Variants in MSH3 observed in about 807,000 individuals in gnomAD.
MSH3 encodes the protein mutS homolog 3.
MSH3 carries 106 observed loss-of-function variants against 123.3 expected under a neutral mutation model. That is an observed-to-expected ratio of 0.86 (90% CI 0.73 to 1.01). The LOEUF is 1.01. Ranked by LOEUF, MSH3 falls within the 50% of genes least tolerant of loss-of-function variation. The pLI is 0.00. For synonymous variants in MSH3, 515 were observed against 481.4 expected (o/e 1.07, Z -0.91); for missense variants, 1,459 against 1,347.6 (o/e 1.08, Z -1.29).
chr5:80,709,168 T>C (rs982673373), intron 8 of MSH3, among the ~76,000 whole-genome samples: 3 of 152,058 alleles, frequency 2.0e-5, no homozygotes, highest in Non-Finnish European at 4.4e-5. Context: ...TTTCAGCTTC[T>C]TCCTTAGTAG....
intron 21 of MSH3, among the ~76,000 whole-genome samples, chr5:80,857,462 G>T (rs946030322): frequency 6.6e-6 from 1 of 152,086 alleles, no homozygotes; most frequent in Non-Finnish European, 1.5e-5. Flanking sequence ...ATAGAGAATT[G>T]GTAAAATATC....
intron 12 of MSH3, 34 bp from the exon 13 acceptor site, chr5:80,761,512 A>G (rs376291482): frequency 5.6e-5 from 91 of 1,613,042 alleles, no homozygotes; most frequent in Non-Finnish European, 7.6e-5. Context: ...AATTCCTAAC[A>G]TATCTGATTA....
chr5:80,855,054 C>G (rs1490238693), intron 21 of MSH3, among the ~76,000 whole-genome samples: 1 of 152,080 alleles, frequency 6.6e-6, no homozygotes, highest in Non-Finnish European at 1.5e-5. Flanking sequence ...TACATGTCTC[C>G]TTTTTTTCAG....
intron 2 of MSH3, among the ~76,000 whole-genome samples, chr5:80,658,021 G>T (rs1749329463): frequency 7.8e-6 from 1 of 127,830 alleles, no homozygotes; most frequent in African/African-American, 3.1e-5. Context: ...TTTTTCCTAA[G>T]AATGCTTTTT....
At chr5:80,711,836 T>C (rs570206900) in intron 8 of MSH3, among the ~76,000 whole-genome samples, 1 of 152,094 alleles carries the variant, frequency 6.6e-6, no homozygotes, top group African/African-American at 2.4e-5. Context: ...GTATTTTTAG[T>C]AGAGACAGGG....
chr5:80,689,807 G>A (rs1750187240), intron 8 of MSH3, among the ~76,000 whole-genome samples: 1 of 151,464 alleles, frequency 6.6e-6, no homozygotes, highest in South Asian at 2.1e-4. Flanking sequence ...CAGAATAAAA[G>A]TGTCATATCA....
At chr5:80,696,041 A>G (rs1750470599) in intron 8 of MSH3, among the ~76,000 whole-genome samples, 1 of 152,090 alleles carries the variant, frequency 6.6e-6, no homozygotes, top group African/African-American at 2.4e-5. Flanking sequence ...GTTTCCGTTG[A>G]AACCCGAGGG....
At chr5:80,681,084 C>G (rs1480854480) in intron 8 of MSH3, among the ~76,000 whole-genome samples, 1 of 152,028 alleles carries the variant, frequency 6.6e-6, no homozygotes, top group Admixed American at 6.5e-5. Context: ...CCAGTATAGT[C>G]TAGGAGGGTT....
chr5:80,689,784 T>C (rs1750186102), intron 8 of MSH3, among the ~76,000 whole-genome samples: 1 of 151,828 alleles, frequency 6.6e-6, no homozygotes, highest in African/African-American at 2.4e-5. Flanking sequence ...ACAGCAAAGT[T>C]GAGAGTAAGG....
chr5:80,690,551 C>T (rs1275516855), intron 8 of MSH3, among the ~76,000 whole-genome samples: 1 of 152,092 alleles, frequency 6.6e-6, no homozygotes, highest in East Asian at 1.9e-4. Flanking sequence ...CTCCTGACCT[C>T]AAATGATCCG....
At chr5:80,854,350 T>C (rs1352964513) in intron 21 of MSH3, 34 bp downstream of exon 21, 2 of 1,566,188 alleles carry the variant, frequency 1.3e-6, no homozygotes, top group Admixed American at 3.3e-5. Flanking sequence ...TAAAAAGAAA[T>C]TAATTTGTAA....
intron 8 of MSH3, among the ~76,000 whole-genome samples, chr5:80,697,769 A>G (rs903146712): frequency 1.3e-5 from 2 of 152,190 alleles, no homozygotes; most frequent in African/African-American, 2.4e-5. Context: ...CAGAAAGGAC[A>G]TTTAAGCTCT....
intron 22 of MSH3, among the ~76,000 whole-genome samples, chr5:80,869,910 A>G (rs1386632921): frequency 6.6e-6 from 1 of 150,656 alleles, no homozygotes; most frequent in African/African-American, 2.4e-5. Context: ...ATGGTGGCTC[A>G]CGCCTGTAAT....
intron 23 of MSH3, 130 bp downstream of exon 23, chr5:80,873,417 T>A: frequency 1.1e-6 from 1 of 889,834 alleles, no homozygotes; most frequent in Non-Finnish European, 1.7e-6. Context: ...CTGAACCATT[T>A]AATTATGATG....
Position 80,871,139 on chromosome 5 carries a change from T to C in MSH3, c.3131-1977T>C, listed in dbSNP as rs550648309. Among the ~76,000 whole-genome samples, 58 of 152,238 alleles carry C rather than the reference T, an allele frequency of 3.8e-4. 2 individuals carry two copies. In the South Asian group the frequency reaches 0.012, roughly 31 times the overall value. On this transcript the variant is annotated intron_variant, in intron 22 of 23. Transcript: ENST00000265081. ...CTGAGATTTGCATTCAGGAGGTTCA[T>C]TCGGAGTGCTGGGCTGTGTTATGGT...
Position 80,691,887 on chromosome 5 carries a change from GTGTATATGTTTATATAGATAAACA to G in MSH3, c.1340+12879_1340+12902del, listed in dbSNP as rs1561444330. On this transcript the variant is annotated intron_variant, in intron 8 of 23. Transcript: ENST00000265081. ...AACATGTATGTTTATATAGATAAAC[GTGTATATGTTTATATAGATAAACA>G]TGTATATGTTTATATAGATAAACAT... is the stretch of plus-strand genomic sequence containing the variant. 1.9e-4 allele frequency among the ~76,000 whole-genome samples: 24 copies of G among 127,808 alleles called. 1 individual carries two copies. Among genetic ancestry groups the G allele is most frequent in the African/African-American group, 3.5e-4 (12 of 33,822 alleles). 83.8% of individuals were successfully genotyped at this position (127,808 alleles called of 152,430 possible).
intron 19 of MSH3, among the ~76,000 whole-genome samples, chr5:80,794,709 T>G (rs1744668053): frequency 6.6e-6 from 1 of 152,190 alleles, no homozygotes; most frequent in African/African-American, 2.4e-5. Context: ...TGGGAAAAAG[T>G]TGTCCATGTG....
chr5:80,842,118 A>C (rs1186759182), intron 20 of MSH3, among the ~76,000 whole-genome samples: 1 of 152,136 alleles, frequency 6.6e-6, no homozygotes, highest in Non-Finnish European at 1.5e-5. Context: ...TCAGCTTTCT[A>C]CATATGGCTA....
At chr5:80,697,022 C>A (rs1217716500) in intron 8 of MSH3, among the ~76,000 whole-genome samples, 1 of 151,980 alleles carries the variant, frequency 6.6e-6, no homozygotes, top group Non-Finnish European at 1.5e-5. Flanking sequence ...AAATTCTATC[C>A]CTTTTCTTGG....
Sources: gnomAD v4.1 joint callset for allele counts (sites outside exome capture counted in the v4.1 genomes callset) on GRCh38, gnomAD v4.1.1 for gene constraint, MANE v1.5 for transcripts, NCBI Gene and HGNC (gene_info 2026-07-23, HGNC 2026-07-21) for gene names.